Variants in LIFR observed in about 807,000 individuals in gnomAD.
The protein encoded by LIFR is LIF receptor subunit alpha, also known as leukemia inhibitory factor receptor.
A neutral mutation model predicts 122.2 loss-of-function variants in LIFR; 84 were observed. The observed-to-expected ratio is 0.69, with a 90% CI of 0.58 to 0.82. The LOEUF is 0.82. Among genes scored for constraint, LIFR ranks in the 40% least tolerant of loss-of-function variants. The probability of loss-of-function intolerance (pLI) is 0.00; values close to 1 mark genes in which losing one functional copy is unlikely to be tolerated. For synonymous variants in LIFR, 422 were observed against 434.7 expected (o/e 0.97, Z 0.36); for missense variants, 1,294 against 1,311.6 (o/e 0.99, Z 0.21).
At position 38,563,667 on chromosome 5, in the gene LIFR, C is replaced by G. The variant is rs377367741; in HGVS notation, c.-20+31594G>C. Among the ~76,000 whole-genome samples the G allele has an allele frequency of 5.9e-5, 9 of 152,312 alleles. No homozygotes were observed. The South Asian group carries it at 1.2e-3, about 21-fold the overall frequency. ...TTAAGCACTTACGGCATGCCAGGTACTGTGTACCAACTCAGCCCATCCTCC... is the reference window on the plus strand; with the variant it reads ...TTAAGCACTTACGGCATGCCAGGTAGTGTGTACCAACTCAGCCCATCCTCC... On this transcript the variant is annotated intron_variant, in intron 1 of 19. Coordinates refer to the LIFR transcript ENST00000263409.
Position 38,530,723 on chromosome 5 carries a change from T to C in LIFR, c.-19-57A>G, listed in dbSNP as rs930527799. On this transcript the variant is annotated intron_variant, in intron 1 of 19. Coordinates refer to ENST00000453190, the MANE Select transcript of LIFR (RefSeq NM_001127671.2). Reference sequence around the variant, plus strand: ...CAGATTGTTCTGAAGGCTCACCTTATACTGTGCACACAAACACTCAAATAG... The same window carrying C: ...CAGATTGTTCTGAAGGCTCACCTTACACTGTGCACACAAACACTCAAATAG... 8.5e-5 allele frequency: 118 copies of C among 1,382,994 alleles called. 4 individuals are homozygous for C. The South Asian group carries it at 1.3e-3, about 15-fold the overall frequency. The allele number at this position is 1,382,994 out of a possible 1,614,324, so 85.7% of individuals were successfully genotyped here.
intron 16 of LIFR, among the ~76,000 whole-genome samples, chr5:38,488,861 T>C (rs1744423560): frequency 1.3e-5 from 2 of 152,222 alleles, no homozygotes; most frequent in Non-Finnish European, 2.9e-5. Flanking sequence ...TCAGAATAAA[T>C]GATTTAAATG....
intron 5 of LIFR, among the ~76,000 whole-genome samples, chr5:38,517,172 T>G (rs899482397): frequency 6.6e-6 from 1 of 151,992 alleles, no homozygotes; most frequent in African/African-American, 2.4e-5. Context: ...AACCTTCAGG[T>G]TTGTACATGT....
chr5:38,506,499 T>C lies in LIFR; in HGVS notation c.1121+4A>G. The stretch of plus-strand genomic sequence containing the variant: ...ATCTGACATCTTTTCCCAGTTATCA[T>C]TACCTTTCAACTAAAGTGTAGCTTG... On this transcript the variant is annotated splice_donor_region_variant and intron_variant, in intron 8 of 19. Transcript: ENST00000453190. 1 of 1,614,078 alleles carries C rather than the reference T, an allele frequency of 6.2e-7. No homozygotes were observed. The highest frequency in any genetic ancestry group is 8.5e-7 in the Non-Finnish European group (1 of 1,179,962).
intron 5 of LIFR, among the ~76,000 whole-genome samples, chr5:38,521,728 T>C (rs1276326178): frequency 6.6e-6 from 1 of 152,168 alleles, no homozygotes; most frequent in Non-Finnish European, 1.5e-5. Flanking sequence ...TCTTGAGCAG[T>C]GCACTCTGGT....
chr5:38,574,904 A>G (rs1446695672), intron 1 of LIFR, among the ~76,000 whole-genome samples: 1 of 152,164 alleles, frequency 6.6e-6, no homozygotes, highest in Non-Finnish European at 1.5e-5. Context: ...CATCCTATCA[A>G]GACATCTTTT....
At position 38,496,583 on chromosome 5, in the gene LIFR, T is replaced by A. The variant is rs1213736139; in HGVS notation, c.1684A>T (p.Asn562Tyr). 3.1e-6 allele frequency: 5 copies of A among 1,610,898 alleles called. No homozygotes were observed. The highest frequency in any genetic ancestry group is 1.7e-5 in the Admixed American group (1 of 60,022). The change falls in exon 13 of 20, where the codon AAT becomes TAT. Residue 562 changes from asparagine (N) to tyrosine (Y), a missense_variant. Physicochemically the swap from Asn to Tyr is moderately radical, Grantham distance 143. Coordinates refer to ENST00000453190, the MANE Select transcript of LIFR (RefSeq NM_001127671.2). ...GAAAGTATTTTTCCATTAGCTTCAT[T>A]AATGGGTAAAGGCTATGAAAAACAG... ...LIIYWKPLPI[N>Y]EANGKILSYN...
intron 5 of LIFR, among the ~76,000 whole-genome samples, chr5:38,521,721 T>A (rs1008015312): frequency 7.2e-5 from 11 of 152,124 alleles, no homozygotes; most frequent in African/African-American, 2.7e-4. Context: ...CTCTGGGTCT[T>A]GAGCAGTGCA....
At chr5:38,501,877 C>T (rs939805547) in intron 11 of LIFR, among the ~76,000 whole-genome samples, 10 of 151,312 alleles carry the variant, frequency 6.6e-5, no homozygotes, top group Non-Finnish European at 1.3e-4. Flanking sequence ...TTATACCTAA[C>T]TTGACCTGGG....
At chr5:38,510,770 A>T in intron 6 of LIFR, 52 bp from the exon 7 acceptor site, 27 of 1,488,226 alleles carry the variant, frequency 1.8e-5, no homozygotes, top group Non-Finnish European at 2.4e-5. Context: ...TATTTTACAT[A>T]AACTTTTCTG....
intron 1 of LIFR, among the ~76,000 whole-genome samples, chr5:38,593,017 A>G (rs1749978620): frequency 1.3e-5 from 2 of 152,136 alleles, no homozygotes; most frequent in Non-Finnish European, 2.9e-5. Flanking sequence ...AGCCTGACCA[A>G]CATGGTCAAA....
rs1217728435 is a variant in LIFR, at chr5:38,494,639, TAACAGGAG to T, written c.1886-862_1886-855del. On this transcript the variant is annotated intron_variant, in intron 13 of 19. Coordinates refer to ENST00000453190, the MANE Select transcript of LIFR (RefSeq NM_001127671.2). ...AAAGGGAGAAGAAAATTTCCCACCG[TAACAGGAG>T]AAAAGAGGTAGATTTTATAACTGAT... is the stretch of plus-strand genomic sequence containing the variant. Among the ~76,000 whole-genome samples the T allele has an allele frequency of 1.1e-3, 166 of 152,246 alleles. 1 individual carries two copies. The highest frequency in any genetic ancestry group is 6.8e-3 in the Middle Eastern group (2 of 294).
At chr5:38,573,194 C>T (rs372994937) in intron 1 of LIFR, among the ~76,000 whole-genome samples, 3 of 152,342 alleles carry the variant, frequency 2.0e-5, no homozygotes, top group African/African-American at 4.8e-5. Context: ...ATTTGTGTTG[C>T]TTGTCTGTGA....
intron 1 of LIFR, among the ~76,000 whole-genome samples, chr5:38,543,213 T>C (rs1354917045): frequency 3.3e-5 from 5 of 151,650 alleles, no homozygotes; most frequent in East Asian, 1.9e-4. Context: ...TGTGGAGAAA[T>C]TGGAACCCAA....
Position 38,523,505 on chromosome 5 carries a change from C to A in LIFR, c.475G>T (p.Asp159Tyr), listed in dbSNP as rs773513597. 5 of 1,612,824 alleles carry A rather than the reference C, an allele frequency of 3.1e-6. No individual in the cohort carries two copies. Among genetic ancestry groups the A allele is most frequent in the African/African-American group, 1.3e-5 (1 of 74,884 alleles). The stretch of plus-strand genomic sequence containing the variant: ...CGGTGTGGAAAAACTGAACCCCTGT[C>A]GTTCCACTTTAGGTATAATGTAGAG... ...STSTLYLKWN[D>Y]RGSVFPHRSN... The change falls in exon 5 of 20, where the codon GAC becomes TAC. Residue 159 changes from aspartate (D) to tyrosine (Y), a missense_variant. Coordinates refer to ENST00000453190, the MANE Select transcript of LIFR (RefSeq NM_001127671.2).
At chr5:38,517,118 A>T (rs1200793138) in intron 5 of LIFR, among the ~76,000 whole-genome samples, 8 of 152,146 alleles carry the variant, frequency 5.3e-5, no homozygotes, top group Non-Finnish European at 1.2e-4. Context: ...TGATGGATTG[A>T]TGAGTGCAGC....
intron 5 of LIFR, among the ~76,000 whole-genome samples, chr5:38,514,645 A>C (rs1745980333): frequency 6.6e-6 from 1 of 152,234 alleles, no homozygotes; most frequent in African/African-American, 2.4e-5. Flanking sequence ...AATATCTACA[A>C]TAGCAAATAA....
At chr5:38,503,618 C>T (rs867416154) in intron 10 of LIFR, among the ~76,000 whole-genome samples, 2 of 152,016 alleles carry the variant, frequency 1.3e-5, no homozygotes, top group Non-Finnish European at 2.9e-5. Flanking sequence ...CAGCTTGTTC[C>T]CACTGCCACA....
In LIFR at chr5:38,476,287, C is replaced by T. The variant is rs929939520; in HGVS notation, c.*5308G>A. 4 of 206,590 alleles carry T rather than the reference C, an allele frequency of 1.9e-5. No individual in the cohort carries two copies. Among genetic ancestry groups the T allele is most frequent in the Admixed American group, 6.0e-5 (1 of 16,804 alleles). The allele number at this position is 206,590 out of a possible 1,614,324, so 12.8% of individuals were successfully genotyped here. A position where few individuals can be genotyped will look rare whatever the true frequency, so the allele number is the denominator to read the frequency against. On this transcript the variant is annotated 3_prime_UTR_variant, in exon 20 of 20. Transcript: ENST00000453190. Reference sequence around the variant, plus strand: ...TTAAACCTAACAGTTAACTTTTCCACGTTATAAATGAAAATTGTACTACCA... The same window carrying T: ...TTAAACCTAACAGTTAACTTTTCCATGTTATAAATGAAAATTGTACTACCA...
Sources: allele counts gnomAD v4.1 joint callset (sites outside exome capture counted in the v4.1 genomes callset), GRCh38; gene constraint gnomAD v4.1.1; transcripts MANE v1.5; gene names NCBI Gene and HGNC (gene_info 2026-07-23, HGNC 2026-07-21).